MCPH1: variants seen among roughly 807,000 people sequenced by gnomAD.
The protein encoded by MCPH1 is microcephalin 1.
In MCPH1, 104 loss-of-function variants were observed where a neutral mutation model predicts 84.5. That is an observed-to-expected ratio of 1.23 (90% CI 1.05 to 1.45). MCPH1 has a LOEUF of 1.45. MCPH1 is among the 40% of genes most tolerant of loss of function. MCPH1 has a pLI of 0.00. For missense variants in MCPH1, 1,498 were observed against 1,005.7 expected, an observed-to-expected ratio of 1.49 and a Z score of -6.62; for synonymous variants, 514 against 366.8, an observed-to-expected ratio of 1.40 and a Z score of -4.58.
chr8:6,587,707 G>T (rs1828108200), intron 12 of MCPH1, among the ~76,000 whole-genome samples: 1 of 152,194 alleles, frequency 6.6e-6, no homozygotes, highest in South Asian at 2.1e-4. Flanking sequence ...TTCTTTATAA[G>T]AATGCAGTAT....
At chr8:6,446,052 T>A in intron 8 of MCPH1, 1 of 980,804 alleles carries the variant, frequency 1.0e-6, no homozygotes, top group Non-Finnish European at 1.2e-6. Flanking sequence ...TGAAGAAACT[T>A]TGGTCAGTGT....
chr8:6,447,065 G>A (rs1485430753), intron 8 of MCPH1: 5 of 985,434 alleles, frequency 5.1e-6, no homozygotes, highest in Non-Finnish European at 6.0e-6. Flanking sequence ...AGTGCGAGAG[G>A]ATCTTCTACA....
intron 4 of MCPH1, among the ~76,000 whole-genome samples, chr8:6,432,071 T>C (rs1801919315): frequency 6.6e-6 from 1 of 152,232 alleles, no homozygotes; most frequent in Admixed American, 6.5e-5. Flanking sequence ...CCACTGATGC[T>C]CAAGTCCCTT....
At chr8:6,511,691 A>G (rs978513908) in intron 12 of MCPH1, among the ~76,000 whole-genome samples, 4 of 152,166 alleles carry the variant, frequency 2.6e-5, no homozygotes, top group African/African-American at 9.7e-5. Flanking sequence ...TGTAATATCT[A>G]TTTTATCTTG....
At chr8:6,537,202 G>A (rs932466204) in intron 12 of MCPH1, among the ~76,000 whole-genome samples, 5 of 152,078 alleles carry the variant, frequency 3.3e-5, no homozygotes, top group Non-Finnish European at 7.4e-5. Flanking sequence ...GTTTGCCATC[G>A]CCTTCATATC....
At chr8:6,456,824 G>C (rs981046095) in intron 9 of MCPH1, among the ~76,000 whole-genome samples, 2 of 152,142 alleles carry the variant, frequency 1.3e-5, no homozygotes, top group African/African-American at 2.4e-5. Context: ...CTGTGCCTGG[G>C]ATAGCCCTGA....
intron 11 of MCPH1, among the ~76,000 whole-genome samples, chr8:6,493,850 G>C (rs1285702664): frequency 2.0e-5 from 3 of 152,182 alleles, no homozygotes; most frequent in Admixed American, 6.5e-5. Context: ...ACATCGTCAA[G>C]CTGTTAGTCA....
chr8:6,496,256 A>C (rs138324500), intron 11 of MCPH1, among the ~76,000 whole-genome samples: 25 of 152,268 alleles, frequency 1.6e-4, no homozygotes, highest in African/African-American at 5.3e-4. Context: ...CCTCATCTGC[A>C]CAGTTCACAA....
chr8:6,516,047 C>G (rs756882760), intron 12 of MCPH1, among the ~76,000 whole-genome samples: 1 of 152,314 alleles, frequency 6.6e-6, no homozygotes. Context: ...GTTCTGGTCT[C>G]TCTCCAGGAA....
At chr8:6,610,371 T>G (rs1210391387) in intron 12 of MCPH1, among the ~76,000 whole-genome samples, 1 of 152,242 alleles carries the variant, frequency 6.6e-6, no homozygotes, top group Non-Finnish European at 1.5e-5. Context: ...CAAGCCATGT[T>G]GTTGGCTACT....
At chr8:6,461,840 G>C (rs1289385400) in intron 9 of MCPH1, among the ~76,000 whole-genome samples, 2 of 152,202 alleles carry the variant, frequency 1.3e-5, no homozygotes, top group Non-Finnish European at 2.9e-5. Flanking sequence ...GCTATGTATA[G>C]ATACCAGCAC....
intron 8 of MCPH1, among the ~76,000 whole-genome samples, chr8:6,448,073 G>C (rs1804655704): frequency 1.3e-5 from 2 of 152,106 alleles, no homozygotes; most frequent in African/African-American, 4.8e-5. Flanking sequence ...AGTTTGTGGG[G>C]ACATAGAGAA....
intron 11 of MCPH1, 26 bp downstream of exon 11, chr8:6,480,902 T>C: frequency 6.2e-7 from 1 of 1,612,172 alleles, no homozygotes; most frequent in Non-Finnish European, 8.5e-7. Context: ...GAACTGCGTA[T>C]TTTAAAACAA....
intron 3 of MCPH1, among the ~76,000 whole-genome samples, chr8:6,428,716 C>G (rs1801415233): frequency 6.6e-6 from 1 of 152,096 alleles, no homozygotes; most frequent in Non-Finnish European, 1.5e-5. Context: ...ATGGTGGAAT[C>G]ATGTTCCATT....
chr8:6,472,421 C>G (rs1807849266), intron 9 of MCPH1, among the ~76,000 whole-genome samples: 1 of 152,046 alleles, frequency 6.6e-6, no homozygotes, highest in African/African-American at 2.4e-5. Flanking sequence ...AGCACAAATA[C>G]TTTTTATTTT....
chr8:6,594,545 C>T (rs980078957), intron 12 of MCPH1, among the ~76,000 whole-genome samples: 2 of 152,254 alleles, frequency 1.3e-5, no homozygotes, highest in Non-Finnish European at 2.9e-5. Context: ...ATTTAGATCT[C>T]ATGTGTCCAT....
At chr8:6,505,208 A>AATAT (rs71213310) in intron 12 of MCPH1, among the ~76,000 whole-genome samples, 3 of 60,080 alleles carry the variant, frequency 5.0e-5, no homozygotes, top group African/African-American at 6.0e-5. Flanking sequence ...GTATATATAG[A>AATAT]ATATATATAT....
intron 12 of MCPH1, chr8:6,527,756 C>G: frequency 7.8e-7 from 1 of 1,279,466 alleles, no homozygotes; most frequent in South Asian, 1.4e-5. Context: ...TTAAAGTACC[C>G]AAGCTACAGG....
At chr8:6,534,103 G>A (rs1820057010) in intron 12 of MCPH1, among the ~76,000 whole-genome samples, 1 of 152,058 alleles carries the variant, frequency 6.6e-6, no homozygotes, top group Admixed American at 6.5e-5. Flanking sequence ...GTTCTCCCGT[G>A]GATATTGGAT....
Sources: allele counts gnomAD v4.1 joint callset (sites outside exome capture counted in the v4.1 genomes callset), GRCh38; gene constraint gnomAD v4.1.1; transcripts MANE v1.5; gene names NCBI Gene and HGNC (gene_info 2026-07-23, HGNC 2026-07-21).